ITPR2: variants seen among roughly 807,000 people sequenced by gnomAD.
The protein encoded by ITPR2 is inositol 1,4,5-trisphosphate receptor type 2.
Under a neutral mutation model 317.1 loss-of-function variants are expected in ITPR2, and 207 were observed. That is an observed-to-expected ratio of 0.65 (90% CI 0.58 to 0.73). The LOEUF is 0.73. ITPR2 is among the 30% of genes least tolerant of loss of function. ITPR2 has a pLI of 0.00. For missense variants in ITPR2, 2,613 were observed against 3,284.0 expected, an observed-to-expected ratio of 0.80 and a Z score of 4.99; for synonymous variants, 1,156 against 1,149.1, an observed-to-expected ratio of 1.01 and a Z score of -0.12.
chr12:26,443,763 G>C, intron 45 of ITPR2, 113 bp from the exon 46 acceptor site: 1 of 659,292 alleles, frequency 1.5e-6, no homozygotes, highest in Non-Finnish European at 2.6e-6. Flanking sequence ...TAGGGTTAAG[G>C]ACAATTAGTT....
At chr12:26,413,699 T>A (rs1940625771) in intron 51 of ITPR2, among the ~76,000 whole-genome samples, 1 of 152,178 alleles carries the variant, frequency 6.6e-6, no homozygotes, top group South Asian at 2.1e-4. Flanking sequence ...TTATAAAAGC[T>A]TTATTGAACA....
intron 52 of ITPR2, chr12:26,411,085 T>C (rs1940531485): frequency 2.2e-6 from 1 of 453,140 alleles, no homozygotes; most frequent in Non-Finnish European, 4.0e-6. Context: ...TACCACAGGG[T>C]AAATGTGCTA....
chr12:26,392,672 G>A (rs1939884840), intron 54 of ITPR2, among the ~76,000 whole-genome samples: 1 of 152,112 alleles, frequency 6.6e-6, no homozygotes, highest in African/African-American at 2.4e-5. Context: ...AACTTGAACG[G>A]GCTTGATGTC....
chr12:26,417,578 C>T (rs977451758), intron 50 of ITPR2, among the ~76,000 whole-genome samples: 10 of 152,100 alleles, frequency 6.6e-5, no homozygotes, highest in African/African-American at 2.4e-4. Flanking sequence ...CTTCTGCCAC[C>T]ATGTAAGACA....
intron 15 of ITPR2, among the ~76,000 whole-genome samples, chr12:26,662,732 G>A (rs1396817711): frequency 2.6e-5 from 4 of 152,130 alleles, no homozygotes; most frequent in Non-Finnish European, 2.9e-5. Context: ...GAGTGTACTA[G>A]TGTGATCATA....
At chr12:26,384,335 C>A (rs1939603318) in intron 55 of ITPR2, among the ~76,000 whole-genome samples, 1 of 152,216 alleles carries the variant, frequency 6.6e-6, no homozygotes, top group African/African-American at 2.4e-5. Context: ...CCATAAGTAA[C>A]CTTCCATGCA....
At chr12:26,419,566 C>G (rs529331961) in intron 49 of ITPR2, 2 of 167,610 alleles carry the variant, frequency 1.2e-5, no homozygotes, top group African/African-American at 4.8e-5. Context: ...TGACCTAGTT[C>G]ATGCAGCTGA....
intron 48 of ITPR2, among the ~76,000 whole-genome samples, chr12:26,429,714 T>C (rs759499992): frequency 2.6e-5 from 4 of 152,186 alleles, no homozygotes; most frequent in Non-Finnish European, 5.9e-5. Context: ...TAAACAAAAA[T>C]ATATTCTGTG....
intron 31 of ITPR2, among the ~76,000 whole-genome samples, 176 bp downstream of exon 31, chr12:26,596,707 A>G (rs1474279631): frequency 6.6e-6 from 1 of 151,970 alleles, no homozygotes; most frequent in Non-Finnish European, 1.5e-5. Flanking sequence ...ACTTCTTATT[A>G]AAAAGTAGAC....
chr12:26,381,603 G>C (rs957031698), intron 55 of ITPR2, among the ~76,000 whole-genome samples: 2 of 152,194 alleles, frequency 1.3e-5, no homozygotes, highest in African/African-American at 4.8e-5. Context: ...AGTTACGACA[G>C]ACAATTATTA....
intron 49 of ITPR2, among the ~76,000 whole-genome samples, chr12:26,426,158 C>G (rs1053317033): frequency 1.3e-4 from 20 of 152,100 alleles, no homozygotes; most frequent in African/African-American, 4.8e-4. Context: ...TGGCCCATCT[C>G]TAGCTATTAT....
chr12:26,614,326 G>A (rs1003792078), intron 26 of ITPR2, among the ~76,000 whole-genome samples: 4 of 151,614 alleles, frequency 2.6e-5, no homozygotes, highest in Non-Finnish European at 5.9e-5. Context: ...CTGAGCAAGT[G>A]TCTAGTTTGG....
At chr12:26,466,066 T>G (rs1942163888) in intron 45 of ITPR2, among the ~76,000 whole-genome samples, 1 of 152,204 alleles carries the variant, frequency 6.6e-6, no homozygotes, top group African/African-American at 2.4e-5. Flanking sequence ...GTTCACATAT[T>G]AGAAAGGTCC....
intron 52 of ITPR2, among the ~76,000 whole-genome samples, chr12:26,406,122 GA>G (rs898703026): frequency 2.3e-4 from 35 of 151,852 alleles, no homozygotes; most frequent in Non-Finnish European, 4.7e-4. Context: ...ATTTTAACGA[GA>G]AAAAAAATTT....
chr12:26,750,030 C>G (rs981900694), intron 2 of ITPR2, among the ~76,000 whole-genome samples: 1 of 152,152 alleles, frequency 6.6e-6, no homozygotes, highest in Non-Finnish European at 1.5e-5. Context: ...TTCTAGAGCA[C>G]CTGGTGCAGA....
intron 22 of ITPR2, among the ~76,000 whole-genome samples, chr12:26,631,230 G>A (rs958016428): frequency 5.3e-5 from 8 of 152,150 alleles, no homozygotes; most frequent in East Asian, 1.9e-4. Context: ...TATAGCTCTC[G>A]TAATGGGAAG....
At chr12:26,639,187 T>C (rs1946927970) in intron 21 of ITPR2, among the ~76,000 whole-genome samples, 1 of 152,070 alleles carries the variant, frequency 6.6e-6, no homozygotes, top group African/African-American at 2.4e-5. Flanking sequence ...AGACCTGACA[T>C]GTGGAAGGGA....
At chr12:26,669,021 G>A (rs903626316) in intron 13 of ITPR2, among the ~76,000 whole-genome samples, 1 of 152,248 alleles carries the variant, frequency 6.6e-6, no homozygotes, top group Admixed American at 6.5e-5. Context: ...AGGCAGCTGA[G>A]GCAAGAGGAA....
At position 26,335,605 on chromosome 12, in the gene ITPR2, G is replaced by C. The variant is rs1937893933; in HGVS notation, c.*3792C>G. Among the ~76,000 whole-genome samples the C allele has an allele frequency of 6.6e-6, 1 of 152,190 alleles. No homozygotes were observed. The highest frequency in any genetic ancestry group is 1.5e-5 in the Non-Finnish European group (1 of 68,030). On this transcript the variant is annotated 3_prime_UTR_variant, in exon 57 of 57. Transcript: ENST00000381340. ...CATGCACGTTAGGCTATCTGGTTTTGATAGTGCGTGTTTTCTTCTATTAAG... is the reference window on the plus strand; with the variant it reads ...CATGCACGTTAGGCTATCTGGTTTTCATAGTGCGTGTTTTCTTCTATTAAG...
Sources: allele counts gnomAD v4.1 joint callset (sites outside exome capture counted in the v4.1 genomes callset), GRCh38; gene constraint gnomAD v4.1.1; transcripts MANE v1.5; gene names NCBI Gene and HGNC (gene_info 2026-07-23, HGNC 2026-07-21).